The following ADGB variants were observed in gnomAD, a reference collection of about 807,000 sequenced individuals.
ADGB encodes the protein androglobin.
ADGB carries 172 observed loss-of-function variants against 210.5 expected under a neutral mutation model. The ratio of observed to expected loss-of-function variants is 0.82; its 90% CI spans 0.72 to 0.93. ADGB has a LOEUF of 0.93. ADGB is among the 40% of genes least tolerant of loss of function. ADGB has a pLI of 0.00. For missense variants in ADGB, 2,025 were observed against 1,964.8 expected (o/e 1.03, Z -0.58); for synonymous variants, 658 against 662.7 (o/e 0.99, Z 0.11).
chr6:146,807,999 T>G (rs1413570658), intron 35 of ADGB, among the ~76,000 whole-genome samples: 20 of 145,636 alleles, frequency 1.4e-4, no homozygotes, highest in Non-Finnish European at 2.6e-4. Flanking sequence ...TCAGTTTTTT[T>G]TTTTTTTTTT....
intron 1 of ADGB, among the ~76,000 whole-genome samples, chr6:146,626,924 C>T (rs1481149060): frequency 6.6e-6 from 1 of 151,956 alleles, no homozygotes; most frequent in Non-Finnish European, 1.5e-5. Flanking sequence ...TCAGAATGTA[C>T]TGATGCTCTG....
intron 16 of ADGB, among the ~76,000 whole-genome samples, chr6:146,718,590 T>C (rs888423662): frequency 2.6e-5 from 4 of 152,162 alleles, no homozygotes; most frequent in Non-Finnish European, 4.4e-5. Flanking sequence ...AACCACATAT[T>C]GAGCAGAATT....
chr6:146,723,303 T>A (rs1326179795), intron 17 of ADGB, among the ~76,000 whole-genome samples: 1 of 152,184 alleles, frequency 6.6e-6, no homozygotes, highest in East Asian at 1.9e-4. Flanking sequence ...AGGGGGGAAA[T>A]TATTTTGCCC....
chr6:146,720,003 T>TA (rs1320920293), intron 16 of ADGB, among the ~76,000 whole-genome samples: 7 of 152,234 alleles, frequency 4.6e-5, no homozygotes, highest in Non-Finnish European at 1.0e-4. Context: ...GTTGATTAAA[T>TA]AACAAGGCTT....
In ADGB at chr6:146,733,112, T is replaced by A; in HGVS notation, c.2521-8T>A. 6.7e-7 allele frequency: 1 copy of A among 1,488,676 alleles called. No individual in the cohort carries two copies. Among genetic ancestry groups the A allele is most frequent in the Non-Finnish European group, 9.0e-7 (1 of 1,115,342 alleles). 92.2% of individuals were successfully genotyped at this position (1,488,676 alleles called of 1,614,324 possible). A position where few individuals can be genotyped will look rare whatever the true frequency, so the allele number is the denominator to read the frequency against. On this transcript the variant is annotated splice_polypyrimidine_tract_variant and splice_region_variant and intron_variant, in intron 20 of 35. Transcript: ENST00000397944. ...TTTCTTGCTATAAAAAAAATTTATG[T>A]GTTTCAGGTTTTTCATCTTTCCTTA...
chr6:146,810,312 G>C (rs919847903), intron 35 of ADGB, among the ~76,000 whole-genome samples: 1 of 152,144 alleles, frequency 6.6e-6, no homozygotes, highest in Non-Finnish European at 1.5e-5. Flanking sequence ...ATAAGTGTTG[G>C]GGAGGGTGTG....
intron 8 of ADGB, 59 bp from the exon 9 acceptor site, chr6:146,676,254 A>G: frequency 2.1e-6 from 3 of 1,401,786 alleles, no homozygotes; most frequent in East Asian, 2.6e-5. Flanking sequence ...TGACTGAATA[A>G]GAAATATAGT....
chr6:146,683,549 C>T (rs1217785432), intron 9 of ADGB, among the ~76,000 whole-genome samples: 2 of 152,040 alleles, frequency 1.3e-5, no homozygotes, highest in African/African-American at 4.8e-5. Context: ...AATATTTCAA[C>T]ATTACATATT....
Position 146,665,491 on chromosome 6 carries a change from G to GA in ADGB, c.752+1160dup, listed in dbSNP as rs895688087. Among the ~76,000 whole-genome samples, 15 of 150,632 alleles carry GA rather than the reference G, an allele frequency of 1.0e-4. No homozygotes were observed. The East Asian group carries it at 1.8e-3, about 18-fold the overall frequency. ...ACCGGTGGCATGTTCATTTATTTGG[G>GA]AAAAAAAAATGTTCTGAATGTTTCT... On this transcript the variant is annotated intron_variant, in intron 6 of 35. Transcript: ENST00000397944.
intron 26 of ADGB, among the ~76,000 whole-genome samples, chr6:146,748,398 A>G (rs1377768665): frequency 1.3e-5 from 2 of 152,166 alleles, no homozygotes; most frequent in East Asian, 3.9e-4. Flanking sequence ...AACTATTAAC[A>G]GAAGTGTGAG....
chr6:146,699,345 T>A (rs534847745), intron 12 of ADGB, among the ~76,000 whole-genome samples: 1 of 152,058 alleles, frequency 6.6e-6, no homozygotes, highest in Non-Finnish European at 1.5e-5. Flanking sequence ...GTAACGAGAA[T>A]CCAGGGAGTT....
chr6:146,803,077 T>G, intron 35 of ADGB: 2 of 1,544,004 alleles, frequency 1.3e-6, no homozygotes, highest in Non-Finnish European at 1.8e-6. Context: ...CCAAGTGAGA[T>G]ATATTGTTTT....
intron 1 of ADGB, among the ~76,000 whole-genome samples, chr6:146,632,174 A>G (rs1463721297): frequency 6.6e-6 from 1 of 152,162 alleles, no homozygotes; most frequent in Non-Finnish European, 1.5e-5. Flanking sequence ...GCTACCAACA[A>G]GGTTTCAGCA....
chr6:146,717,161 G>A (rs545858862), intron 15 of ADGB, 92 bp downstream of exon 15: 3 of 1,115,348 alleles, frequency 2.7e-6, no homozygotes, highest in Middle Eastern at 2.6e-4. Flanking sequence ...ATTTATTTTT[G>A]CATATTTAAT....
chr6:146,672,802 C>G (rs1009711190), intron 8 of ADGB, among the ~76,000 whole-genome samples: 6 of 151,100 alleles, frequency 4.0e-5, no homozygotes, highest in Admixed American at 4.0e-4. Flanking sequence ...ACAATCTCAG[C>G]TCACTGCAAC....
intron 1 of ADGB, among the ~76,000 whole-genome samples, chr6:146,623,379 C>T (rs1423650752): frequency 6.6e-6 from 1 of 151,784 alleles, no homozygotes; most frequent in Non-Finnish European, 1.5e-5. Context: ...ATTTCTCTCA[C>T]CAGAGTTGTA....
At chr6:146,792,317 T>C (rs768012890) in intron 33 of ADGB, among the ~76,000 whole-genome samples, 2 of 152,206 alleles carry the variant, frequency 1.3e-5, no homozygotes, top group African/African-American at 2.4e-5. Context: ...TTGAGTGGTA[T>C]GGACATTTTA....
At chr6:146,601,020 T>C (rs1015095588) in intron 1 of ADGB, among the ~76,000 whole-genome samples, 1 of 151,960 alleles carries the variant, frequency 6.6e-6, no homozygotes, top group African/African-American at 2.4e-5. Flanking sequence ...CTCACAACTC[T>C]TTAGGAGCTT....
chr6:146,624,699 A>G (rs965759178), intron 1 of ADGB, among the ~76,000 whole-genome samples: 15 of 151,760 alleles, frequency 9.9e-5, no homozygotes, highest in Non-Finnish European at 2.1e-4. Flanking sequence ...TTATTTTGAT[A>G]CTTGACTAGG....
Sources: allele counts gnomAD v4.1 joint callset (sites outside exome capture counted in the v4.1 genomes callset), GRCh38; gene constraint gnomAD v4.1.1; transcripts MANE v1.5; gene names NCBI Gene and HGNC (gene_info 2026-07-23, HGNC 2026-07-21).